The following PMVK variants were observed in gnomAD, a reference collection of about 807,000 sequenced individuals.
PMVK encodes testis tissue sperm-binding protein Li 95mP.
In PMVK, 10 loss-of-function variants were observed where a neutral mutation model predicts 19.0. That is an observed-to-expected ratio of 0.53 (90% confidence interval 0.32 to 0.89). PMVK has a LOEUF of 0.89. PMVK is among the 40% of genes least tolerant of loss of function. PMVK has a pLI of 0.03. For missense variants in PMVK, 222 were observed against 251.1 expected, an observed-to-expected ratio of 0.88 and a Z score of 0.78; for synonymous variants, 108 against 101.6, an observed-to-expected ratio of 1.06 and a Z score of -0.38.
At chr1:154,929,462 A>G (rs1408971072) in intron 2 of PMVK, among the ~76,000 whole-genome samples, 1 of 152,086 alleles carries the variant, frequency 6.6e-6, no homozygotes, top group Non-Finnish European at 1.5e-5. Flanking sequence ...TACCTTCCCA[A>G]TTATTTCTGG....
chr1:154,936,469 C>G, intron 1 of PMVK, 122 bp downstream of exon 1: 10 of 1,490,538 alleles, frequency 6.7e-6, no homozygotes, highest in Non-Finnish European at 9.0e-6. Context: ...CAGCCCAGTG[C>G]TCCTCCTGCC....
chr1:154,942,584 T>C, the PMVK span, among the ~76,000 whole-genome samples: 19 of 152,198 alleles, frequency 1.2e-4, no homozygotes, highest in Non-Finnish European at 7.4e-5. Context: ...ACCCCTTGGG[T>C]TCGTGGCTTT....
chr1:154,934,852 C>T (rs759614855), intron 1 of PMVK, among the ~76,000 whole-genome samples: 1 of 151,988 alleles, frequency 6.6e-6, no homozygotes, highest in Non-Finnish European at 1.5e-5. Flanking sequence ...CACCTGAGGT[C>T]AGGAGTTCCA....
chr1:154,928,149 A>C (rs1654225209), intron 3 of PMVK, among the ~76,000 whole-genome samples: 1 of 152,228 alleles, frequency 6.6e-6, no homozygotes, highest in Non-Finnish European at 1.5e-5. Flanking sequence ...GCACCAGTTA[A>C]GACCTGAATA....
At position 154,929,103 on chromosome 1, in the gene PMVK, C is replaced by A; in HGVS notation, c.233G>T (p.Arg78Leu). The A allele has an allele frequency of 2.5e-6, 4 of 1,614,038 alleles. No homozygotes were observed. Among genetic ancestry groups the A allele is most frequent in the Non-Finnish European group, 3.4e-6 (4 of 1,179,856 alleles). Residue 78 changes from arginine to leucine, a missense_variant, in exon 3 of 5, where the codon CGC (arginine) becomes CTC (leucine). By Grantham distance (102) the Arg-to-Leu change is moderately radical (BLOSUM62 -2). Transcript: ENST00000368467. The stretch of plus-strand genomic sequence containing the variant: ...AGCCTGGCGTTTCTCCTCTCCCCAG[C>A]GGATCATGTCCTTCCGAAAGGCCTC... ...YKEAFRKDMI[R>L]WGEEKRQADP... is the part of the protein sequence containing the mutation.
chr1:154,938,601 A>C (rs1443140317), upstream of PMVK, among the ~76,000 whole-genome samples: 6 of 152,024 alleles, frequency 3.9e-5, no homozygotes, highest in Non-Finnish European at 8.8e-5. Flanking sequence ...GTCTCAAAAA[A>C]TAAAAAAAAA....
At chr1:154,935,080 A>C (rs1348168468) in intron 1 of PMVK, among the ~76,000 whole-genome samples, 10 of 151,070 alleles carry the variant, frequency 6.6e-5, no homozygotes, top group Admixed American at 5.3e-4. Flanking sequence ...AAAAAAAAAA[A>C]AAAAAACATG....
At chr1:154,930,180 C>A (rs1654290935) in intron 2 of PMVK, among the ~76,000 whole-genome samples, 1 of 152,196 alleles carries the variant, frequency 6.6e-6, no homozygotes, top group Non-Finnish European at 1.5e-5. Context: ...TGCAAACTGG[C>A]CAGGCACAGT....
At chr1:154,941,137 G>T (rs940130799), upstream of PMVK, among the ~76,000 whole-genome samples, 2 of 152,250 alleles carry the variant, frequency 1.3e-5, no homozygotes, top group African/African-American at 4.8e-5. Context: ...ATCTCGCTCA[G>T]GTCAAAGCTC....
upstream of PMVK, among the ~76,000 whole-genome samples, chr1:154,941,233 G>A (rs1486871344): frequency 2.6e-5 from 4 of 152,178 alleles, no homozygotes; most frequent in South Asian, 2.1e-4. Context: ...ACAGGTGAGC[G>A]GGGAAGGGGT....
intron 2 of PMVK, among the ~76,000 whole-genome samples, chr1:154,931,809 TG>T (rs1654343211): frequency 6.6e-6 from 1 of 151,962 alleles, no homozygotes; most frequent in African/African-American, 2.4e-5. Flanking sequence ...TGACAACTTC[TG>T]GGACTAAATT....
At chr1:154,933,132 A>G (rs928103298) in intron 1 of PMVK, among the ~76,000 whole-genome samples, 7 of 151,946 alleles carry the variant, frequency 4.6e-5, no homozygotes, top group Non-Finnish European at 7.4e-5. Flanking sequence ...AAGAAAAGCA[A>G]ATTTAAAAAA....
chr1:154,929,276 C>G (rs1041681665), intron 2 of PMVK, 100 bp from the exon 3 acceptor site: 7 of 1,098,234 alleles, frequency 6.4e-6, no homozygotes, highest in East Asian at 4.8e-5. Flanking sequence ...CTGCCTCCCC[C>G]AGGGCTGATG....
intron 2 of PMVK, among the ~76,000 whole-genome samples, chr1:154,931,506 ATC>A (rs965121839): frequency 1.1e-4 from 16 of 152,008 alleles, no homozygotes; most frequent in Admixed American, 6.6e-5. Context: ...ACAGTCGAAA[ATC>A]TCTCTCTCAC....
the PMVK span, among the ~76,000 whole-genome samples, chr1:154,942,528 C>T: frequency 6.6e-6 from 1 of 152,224 alleles, no homozygotes; most frequent in Non-Finnish European, 1.5e-5. Context: ...AGAGAGAGGG[C>T]GATCAGAGCA....
At chr1:154,934,630 T>C (rs1024457481) in intron 1 of PMVK, among the ~76,000 whole-genome samples, 1 of 152,174 alleles carries the variant, frequency 6.6e-6, no homozygotes, top group Admixed American at 6.5e-5. Context: ...AAGCCAAGAT[T>C]GGTAAAATAA....
intron 1 of PMVK, among the ~76,000 whole-genome samples, chr1:154,933,229 T>C (rs1185534301): frequency 6.6e-6 from 1 of 151,688 alleles, no homozygotes; most frequent in Non-Finnish European, 1.5e-5. Flanking sequence ...AGGTCAGGAG[T>C]TTGAGACCAG....
At chr1:154,931,124 T>G (rs1263592627) in intron 2 of PMVK, among the ~76,000 whole-genome samples, 1 of 152,182 alleles carries the variant, frequency 6.6e-6, no homozygotes, top group Non-Finnish European at 1.5e-5. Flanking sequence ...ATTTAGTTAT[T>G]CTTACAATTC....
upstream of PMVK, chr1:154,936,758 T>C (rs1431360848): frequency 9.8e-6 from 13 of 1,332,322 alleles, no homozygotes; most frequent in Admixed American, 2.0e-5. Flanking sequence ...CCGCGCGGAA[T>C]GGACGCGGCC....
Sources: allele counts gnomAD v4.1 joint callset (sites outside exome capture counted in the v4.1 genomes callset), GRCh38; gene constraint gnomAD v4.1.1; transcripts MANE v1.5; gene names NCBI Gene and HGNC (gene_info 2026-07-23, HGNC 2026-07-21).